The following FBN2 variants were observed in gnomAD, a reference collection of about 807,000 sequenced individuals.
FBN2 encodes fibrillin-2.
In FBN2, 105 loss-of-function variants were observed where a neutral mutation model predicts 355.6. The observed-to-expected ratio is 0.30, with a 90% CI of 0.25 to 0.35. FBN2 has a LOEUF of 0.35. FBN2 is among the 10% of genes least tolerant of loss of function. The probability of loss-of-function intolerance (pLI) is 1.00; values close to 1 mark genes in which losing one functional copy is unlikely to be tolerated. For synonymous variants in FBN2, 1,350 were observed against 1,301.2 expected, an observed-to-expected ratio of 1.04 and a Z score of -0.81; for missense variants, 3,280 against 3,758.7, an observed-to-expected ratio of 0.87 and a Z score of 3.33.
At chr5:128,527,339 T>A (rs1044119458) in intron 4 of FBN2, among the ~76,000 whole-genome samples, 1 of 152,124 alleles carries the variant, frequency 6.6e-6, no homozygotes, top group Non-Finnish European at 1.5e-5. Flanking sequence ...CAGCTCCCTG[T>A]TTCACAATAA....
intron 29 of FBN2, 60 bp from the exon 30 acceptor site, chr5:128,335,355 T>G: frequency 6.2e-7 from 1 of 1,613,078 alleles, no homozygotes; most frequent in Non-Finnish European, 8.5e-7. Context: ...ATCTCAAATG[T>G]TTTTGTTTTC....
intron 6 of FBN2, among the ~76,000 whole-genome samples, chr5:128,453,466 G>A (rs561263048): frequency 6.6e-6 from 1 of 152,188 alleles, no homozygotes. Context: ...CATCCACTCT[G>A]GCCTTCCTAT....
chr5:128,442,107 AAATAT>A (rs1487450786), intron 7 of FBN2: 3 of 326,466 alleles, frequency 9.2e-6, no homozygotes, highest in African/African-American at 6.5e-5. Flanking sequence ...GAGCCTAAAT[AAATAT>A]ATTTGTTGTC....
chr5:128,421,087 A>T (rs770601525), intron 7 of FBN2, among the ~76,000 whole-genome samples: 1 of 152,258 alleles, frequency 6.6e-6, no homozygotes, highest in African/African-American at 2.4e-5. Context: ...GGCATGGATG[A>T]GAAATGGGCA....
intron 27 of FBN2, among the ~76,000 whole-genome samples, chr5:128,337,595 A>G (rs1314359768): frequency 6.6e-6 from 1 of 152,238 alleles, no homozygotes; most frequent in African/African-American, 2.4e-5. Context: ...CCATGTTCAC[A>G]CATGTGCAAG....
In FBN2 at chr5:128,462,536, T is replaced by C. The variant is rs535706614; in HGVS notation, c.826+2188A>G. 3.3e-3 allele frequency among the ~76,000 whole-genome samples: 498 copies of C among 152,314 alleles called. 1 individual carries two copies. Among genetic ancestry groups the C allele is most frequent in the African/African-American group, 0.011 (473 of 41,574 alleles). ...TGTGGCAAATTTCATTTTGTTCCTG[T>C]TACTGTGTTAATCCCTCAGATTTTT... On this transcript the variant is annotated intron_variant, in intron 6 of 64. Coordinates refer to ENST00000262464, the MANE Select transcript of FBN2 (RefSeq NM_001999.4).
chr5:128,306,095 T>C (rs1749867574), intron 42 of FBN2, 147 bp from the exon 43 acceptor site: 2 of 778,248 alleles, frequency 2.6e-6, no homozygotes, highest in Admixed American at 2.5e-5. Flanking sequence ...GCTAATTTTT[T>C]TGGTTTATAA....
chr5:128,528,527 C>A (rs1756626056), intron 3 of FBN2, among the ~76,000 whole-genome samples: 1 of 152,102 alleles, frequency 6.6e-6, no homozygotes, highest in Non-Finnish European at 1.5e-5. Context: ...ACTGAATAAG[C>A]CAGATATTAA....
intron 5 of FBN2, among the ~76,000 whole-genome samples, chr5:128,475,547 A>T (rs910820117): frequency 6.6e-6 from 1 of 152,198 alleles, no homozygotes; most frequent in Non-Finnish European, 1.5e-5. Context: ...AAACAAGTAC[A>T]GAAGTAATAA....
chr5:128,434,396 A>G (rs1465343473), intron 7 of FBN2, among the ~76,000 whole-genome samples: 40 of 64,188 alleles, frequency 6.2e-4, no homozygotes, highest in Non-Finnish European at 8.0e-4. Flanking sequence ...TAAAGTGTGT[A>G]TATATATATA....
In FBN2 at chr5:128,538,157, G is replaced by A. The variant is rs571271465; in HGVS notation, c.-554C>T. On this transcript the variant is annotated 5_prime_UTR_variant, in exon 1 of 65. Transcript: ENST00000262464. ...CACAGGGCAACGAAGCGCGGGTAGC[G>A]GCTGCGGAGCCGGGCGGAGGTGCGC... 1 of 155,632 alleles carries A rather than the reference G, an allele frequency of 6.4e-6. No homozygotes were observed. The highest frequency in any genetic ancestry group is 1.9e-4 in the East Asian group (1 of 5,224). 9.6% of individuals were successfully genotyped at this position (155,632 alleles called of 1,614,324 possible).
chr5:128,493,923 T>G (rs1755579593), intron 5 of FBN2, among the ~76,000 whole-genome samples: 1 of 152,190 alleles, frequency 6.6e-6, no homozygotes, highest in South Asian at 2.1e-4. Context: ...CTAATGACCC[T>G]ATCTGACATA....
chr5:128,334,375 T>C (rs1750778919), intron 31 of FBN2, among the ~76,000 whole-genome samples: 1 of 152,164 alleles, frequency 6.6e-6, no homozygotes, highest in African/African-American at 2.4e-5. Context: ...TGGTGCTCTT[T>C]GTACATGAAT....
chr5:128,399,859 G>T (rs1752751206), intron 8 of FBN2, among the ~76,000 whole-genome samples: 1 of 152,084 alleles, frequency 6.6e-6, no homozygotes, highest in African/African-American at 2.4e-5. Flanking sequence ...ACGGCAGCAG[G>T]TCGGGGGGAT....
At chr5:128,520,490 G>A (rs1398431642) in intron 4 of FBN2, among the ~76,000 whole-genome samples, 1 of 152,114 alleles carries the variant, frequency 6.6e-6, no homozygotes, top group African/African-American at 2.4e-5. Context: ...AAAGGGAAGT[G>A]GGGGGCCAAA....
intron 63 of FBN2, 113 bp from the exon 64 acceptor site, chr5:128,262,020 C>G: frequency 1.2e-6 from 1 of 827,778 alleles, no homozygotes; most frequent in Non-Finnish European, 2.1e-6. Context: ...ACACTAAACT[C>G]ATAAACATAA....
chr5:128,359,791 A>G (rs886345648), intron 19 of FBN2, among the ~76,000 whole-genome samples: 10 of 152,116 alleles, frequency 6.6e-5, no homozygotes, highest in African/African-American at 2.4e-4. Context: ...AAACACCACC[A>G]GCTCCTACTC....
intron 54 of FBN2, 58 bp downstream of exon 54, chr5:128,287,250 A>C: frequency 6.3e-7 from 1 of 1,582,374 alleles, no homozygotes; most frequent in South Asian, 1.1e-5. Flanking sequence ...AAAATCATTA[A>C]GATGTATCTC....
intron 11 of FBN2, among the ~76,000 whole-genome samples, chr5:128,381,088 G>A (rs1752222561): frequency 1.3e-5 from 2 of 151,940 alleles, no homozygotes; most frequent in South Asian, 4.1e-4. Context: ...TTGTTTGCAA[G>A]GGCTCGAGGA....
Sources: gnomAD v4.1 joint callset for allele counts (sites outside exome capture counted in the v4.1 genomes callset) on GRCh38, gnomAD v4.1.1 for gene constraint, MANE v1.5 for transcripts, NCBI Gene and HGNC (gene_info 2026-07-23, HGNC 2026-07-21) for gene names.